HS3ST4: variants seen among roughly 807,000 people sequenced by gnomAD.
HS3ST4 encodes the protein heparan sulfate-glucosamine 3-sulfotransferase 4.
HS3ST4 carries 17 observed loss-of-function variants against 29.2 expected under a neutral mutation model. The ratio of observed to expected loss-of-function variants is 0.58; its 90% CI spans 0.40 to 0.87. HS3ST4 has a LOEUF of 0.87. Ranked by LOEUF, HS3ST4 falls within the 40% of genes least tolerant of loss-of-function variation. HS3ST4 has a pLI of 0.00. For missense variants in HS3ST4, 627 were observed against 634.5 expected (o/e 0.99, Z 0.13); for synonymous variants, 314 against 285.7 (o/e 1.10, Z -1.00).
intron 1 of HS3ST4, among the ~76,000 whole-genome samples, chr16:25,986,570 T>C (rs1037261456): frequency 6.6e-6 from 1 of 152,232 alleles, no homozygotes; most frequent in Non-Finnish European, 1.5e-5. Flanking sequence ...CCTCGTTGAC[T>C]TTGCACTGCT....
chr16:26,054,269 G>GGAGAGA (rs58364733), intron 1 of HS3ST4, among the ~76,000 whole-genome samples: 68 of 133,734 alleles, frequency 5.1e-4, no homozygotes, highest in East Asian at 2.6e-3. Context: ...ACAGAGAGAG[G>GGAGAGA]GAGAGAGAGA....
At chr16:25,803,964 T>G (rs1169666299) in intron 1 of HS3ST4, among the ~76,000 whole-genome samples, 1 of 151,922 alleles carries the variant, frequency 6.6e-6, no homozygotes, top group Non-Finnish European at 1.5e-5. Context: ...TTCCCTCTCC[T>G]CCTCACCTCC....
rs577556112 is a variant in HS3ST4, at chr16:25,836,801, T to C, written c.734+143650T>C. ...TTGCATAATTCTTGAATAAAGGATATAAGGAACAGAAAACCCAAGGTAGCA... is the reference window on the plus strand; with the variant it reads ...TTGCATAATTCTTGAATAAAGGATACAAGGAACAGAAAACCCAAGGTAGCA... On this transcript the variant is annotated intron_variant, in intron 1 of 1. Coordinates refer to ENST00000331351, the MANE Select transcript of HS3ST4 (RefSeq NM_006040.3). Among the ~76,000 whole-genome samples the C allele has an allele frequency of 7.9e-5, 12 of 152,274 alleles. No homozygotes were observed. In the South Asian group the frequency reaches 2.5e-3, roughly 32 times the overall value.
intron 1 of HS3ST4, among the ~76,000 whole-genome samples, chr16:25,705,569 G>T (rs1282817393): frequency 6.6e-6 from 1 of 152,094 alleles, no homozygotes; most frequent in Admixed American, 6.5e-5. Context: ...GGAGGTTGAA[G>T]TAGGAAAATT....
At chr16:26,047,267 G>A (rs1473736176) in intron 1 of HS3ST4, among the ~76,000 whole-genome samples, 1 of 152,256 alleles carries the variant, frequency 6.6e-6, no homozygotes, top group East Asian at 1.9e-4. Context: ...TAGGTCAGAA[G>A]TTGTAGCAGA....
chr16:25,712,646 G>T (rs1411082803), intron 1 of HS3ST4, among the ~76,000 whole-genome samples: 5 of 151,928 alleles, frequency 3.3e-5, no homozygotes, highest in African/African-American at 1.2e-4. Context: ...TATTGGGATG[G>T]CAAAATCCTT....
At chr16:25,714,529 A>G (rs777949548) in intron 1 of HS3ST4, among the ~76,000 whole-genome samples, 1 of 152,192 alleles carries the variant, frequency 6.6e-6, no homozygotes, top group Non-Finnish European at 1.5e-5. Context: ...TATTAGATGA[A>G]GAAATTGTGG....
At chr16:25,974,098 C>T (rs772872016) in intron 1 of HS3ST4, among the ~76,000 whole-genome samples, 12 of 152,208 alleles carry the variant, frequency 7.9e-5, no homozygotes, top group East Asian at 1.9e-4. Context: ...GCTTCTTACA[C>T]GATTGAAAGA....
chr16:25,895,638 A>G lies in HS3ST4; in HGVS notation c.734+202487A>G, dbSNP rs115962746. ...TCATGTTCTGGAGGCAGGAAGTCCTAGGTCAAGACCCTGGAAGATTTGAGA... is the reference window on the plus strand; with the variant it reads ...TCATGTTCTGGAGGCAGGAAGTCCTGGGTCAAGACCCTGGAAGATTTGAGA... On this transcript the variant is annotated intron_variant, in intron 1 of 1. Transcript: ENST00000331351. Among the ~76,000 whole-genome samples the G allele has an allele frequency of 2.2e-3, 330 of 152,206 alleles. 1 individual carries two copies. The highest frequency in any genetic ancestry group is 7.8e-3 in the African/African-American group (322 of 41,534).
chr16:26,087,359 G>A (rs1044408202), intron 1 of HS3ST4, among the ~76,000 whole-genome samples: 1 of 152,174 alleles, frequency 6.6e-6, no homozygotes, highest in South Asian at 2.1e-4. Flanking sequence ...ACCTGCTCAC[G>A]AGAGGCCTTT....
intron 1 of HS3ST4, among the ~76,000 whole-genome samples, chr16:25,934,300 T>C (rs1968496694): frequency 6.6e-6 from 1 of 152,128 alleles, no homozygotes; most frequent in Admixed American, 6.5e-5. Context: ...AGGAAAACAG[T>C]CTGTCTCCCC....
intron 1 of HS3ST4, among the ~76,000 whole-genome samples, chr16:25,923,955 C>T (rs1968379336): frequency 6.6e-6 from 1 of 152,164 alleles, no homozygotes; most frequent in African/African-American, 2.4e-5. Context: ...AATTTCGGGA[C>T]AATGATGACT....
rs142087180 is a variant in HS3ST4 at position 26,079,859 on chromosome 16, A to G, written c.735-55753A>G. 4.6e-5 allele frequency among the ~76,000 whole-genome samples: 7 copies of G among 152,294 alleles called. No homozygotes were observed. The East Asian group carries it at 7.7e-4, about 17-fold the overall frequency. Reference sequence around the variant, plus strand: ...GGAGCGGACTTAATGGAGGAAGTCAATGTAAACATGGATAGTAATGGGATC... The same window carrying G: ...GGAGCGGACTTAATGGAGGAAGTCAGTGTAAACATGGATAGTAATGGGATC... On this transcript the variant is annotated intron_variant, in intron 1 of 1. Transcript: ENST00000331351.
At chr16:26,053,323 G>C (rs529745878) in intron 1 of HS3ST4, among the ~76,000 whole-genome samples, 3 of 152,316 alleles carry the variant, frequency 2.0e-5, no homozygotes, top group African/African-American at 7.2e-5. Flanking sequence ...ACTTGGAAAA[G>C]CTAATTAATG....
At chr16:25,741,327 A>G (rs1966650094) in intron 1 of HS3ST4, among the ~76,000 whole-genome samples, 1 of 140,440 alleles carries the variant, frequency 7.1e-6, no homozygotes, top group African/African-American at 2.6e-5. Context: ...TTTAAGTACC[A>G]GCACTGCATT....
At chr16:26,120,531 A>C (rs554718162) in intron 1 of HS3ST4, among the ~76,000 whole-genome samples, 141 of 152,342 alleles carry the variant, frequency 9.3e-4, no homozygotes, top group Middle Eastern at 6.8e-3. Flanking sequence ...AGCAGAAAGC[A>C]CAAGTTCCCT....
At chr16:25,760,171 T>C (rs1966780863) in intron 1 of HS3ST4, among the ~76,000 whole-genome samples, 1 of 152,096 alleles carries the variant, frequency 6.6e-6, no homozygotes, top group Non-Finnish European at 1.5e-5. Flanking sequence ...TGTTTAGGGC[T>C]CAACAACACT....
At chr16:25,834,471 C>G (rs1232967023) in intron 1 of HS3ST4, among the ~76,000 whole-genome samples, 1 of 152,146 alleles carries the variant, frequency 6.6e-6, no homozygotes, top group Non-Finnish European at 1.5e-5. Context: ...TATATTCTTA[C>G]AATGAACAGG....
chr16:25,795,741 C>T (rs2141621789), intron 1 of HS3ST4, among the ~76,000 whole-genome samples: 1 of 152,284 alleles, frequency 6.6e-6, no homozygotes, highest in Non-Finnish European at 1.5e-5. Context: ...GAACAGGCAT[C>T]TCAGACCATC....
Sources: allele counts gnomAD v4.1 joint callset (sites outside exome capture counted in the v4.1 genomes callset), GRCh38; gene constraint gnomAD v4.1.1; transcripts MANE v1.5; gene names NCBI Gene and HGNC (gene_info 2026-07-23, HGNC 2026-07-21).